LYNX1: variants seen among roughly 807,000 people sequenced by gnomAD.
LYNX1 encodes the protein ly-6/neurotoxin-like protein 1.
LYNX1 carries 8 observed loss-of-function variants against 8.3 expected under a neutral mutation model. That is an observed-to-expected ratio of 0.97 (90% CI 0.57 to 1.74). The LOEUF (loss-of-function observed/expected upper bound fraction) is 1.74. LYNX1 is among the 40% of genes most tolerant of loss of function. The pLI is 0.00. For missense variants in LYNX1, 158 were observed against 159.7 expected (o/e 0.99, Z 0.06); for synonymous variants, 73 against 67.9 (o/e 1.08, Z -0.37).
rs1057174230 is a variant in LYNX1, at chr8:142,773,307, C to T, written c.*1860G>A. ...GCACCTGGCAGCCTCCCAGACACCC[C>T]GGGCCGGTCCTGCTCTCCAGGCTTA... On this transcript the variant is annotated 3_prime_UTR_variant, in exon 4 of 4. Coordinates refer to ENST00000652477, the MANE Select transcript of LYNX1 (RefSeq NM_177477.4). 2.6e-5 allele frequency: 26 copies of T among 985,392 alleles called. No individual in the cohort carries two copies. Among genetic ancestry groups the T allele is most frequent in the South Asian group, 4.7e-5 (1 of 21,284 alleles). 61.0% of individuals were successfully genotyped at this position (985,392 alleles called of 1,614,324 possible).
chr8:142,775,835 T>G, intron 2 of LYNX1, 71 bp downstream of exon 2: 1 of 1,597,316 alleles, frequency 6.3e-7, no homozygotes, highest in African/African-American at 1.3e-5. Context: ...AATTCTAGCC[T>G]CCTTCCCTAC....
Position 142,771,652 on chromosome 8 carries a change from A to G in LYNX1, c.*3515T>C. Reference sequence around the variant, plus strand: ...AGCAGACCACCCAGAGTAGTGGGAGAAAGCACCGGCAGAAAAGCTGGCATA... The same window carrying G: ...AGCAGACCACCCAGAGTAGTGGGAGGAAGCACCGGCAGAAAAGCTGGCATA... On this transcript the variant is annotated 3_prime_UTR_variant, in exon 4 of 4. Coordinates refer to ENST00000652477, the MANE Select transcript of LYNX1 (RefSeq NM_177477.4). 1.0e-6 allele frequency: 1 copy of G among 985,612 alleles called. No individual in the cohort carries two copies. The highest frequency in any genetic ancestry group is 1.2e-6 in the Non-Finnish European group (1 of 829,878). The allele number at this position is 985,612 out of a possible 1,614,324, so 61.1% of individuals were successfully genotyped here.
Position 142,773,580 on chromosome 8 carries a change from G to C in LYNX1, c.*1587C>G, listed in dbSNP as rs1043076942. On this transcript the variant is annotated 3_prime_UTR_variant, in exon 4 of 4. Transcript: ENST00000652477. ...CCCCCTCCCATCCTCATGTTCTCAG[G>C]AGACTGAAGCTGGGCACTCAGAACC... 1 of 985,504 alleles carries C rather than the reference G, an allele frequency of 1.0e-6. No individual in the cohort carries two copies. Among genetic ancestry groups the C allele is most frequent in the Non-Finnish European group, 1.2e-6 (1 of 830,106 alleles). The allele number at this position is 985,504 out of a possible 1,614,324, so 61.0% of individuals were successfully genotyped here. A position where few individuals can be genotyped will look rare whatever the true frequency, so the allele number is the denominator to read the frequency against.
intron 1 of LYNX1, chr8:142,776,709 G>T (rs1006898097): frequency 6.6e-6 from 1 of 152,330 alleles, no homozygotes; most frequent in Admixed American, 6.5e-5. Context: ...CAGCTTGGGG[G>T]GAATGCATTT....
chr8:142,774,763 G>A lies in LYNX1; in HGVS notation c.*404C>T. 2 of 1,053,410 alleles carry A rather than the reference G, an allele frequency of 1.9e-6. No individual in the cohort carries two copies. Among genetic ancestry groups the A allele is most frequent in the Non-Finnish European group, 2.3e-6 (2 of 872,924 alleles). The allele number at this position is 1,053,410 out of a possible 1,614,324, so 65.3% of individuals were successfully genotyped here. A position where few individuals can be genotyped will look rare whatever the true frequency, so the allele number is the denominator to read the frequency against. On this transcript the variant is annotated 3_prime_UTR_variant, in exon 4 of 4. Transcript: ENST00000652477. ...AGTCTCCCCACCACCCCACCTGCGGGCATTCCTTGTCTTCCCCCTGCCCCA... is the reference window on the plus strand; with the variant it reads ...AGTCTCCCCACCACCCCACCTGCGGACATTCCTTGTCTTCCCCCTGCCCCA...
Position 142,774,550 on chromosome 8 carries a change from G to T in LYNX1, c.*617C>A, listed in dbSNP as rs1363997365. On this transcript the variant is annotated 3_prime_UTR_variant, in exon 4 of 4. Transcript: ENST00000652477. ...AAGCTTCTGTGACTTCGGGGGCCCT[G>T]GGGCCTGCTGAGGCAGAGCCGCCCC... 105 of 985,608 alleles carry T rather than the reference G, an allele frequency of 1.1e-4. No individual in the cohort carries two copies. The highest frequency in any genetic ancestry group is 1.2e-4 in the Non-Finnish European group (103 of 830,174). The allele number at this position is 985,608 out of a possible 1,614,324, so 61.1% of individuals were successfully genotyped here.
At position 142,772,338 on chromosome 8, in the gene LYNX1, C is replaced by T. The variant is rs1354923803; in HGVS notation, c.*2829G>A. The T allele has an allele frequency of 4.1e-6, 4 of 985,554 alleles. No homozygotes were observed. The highest frequency in any genetic ancestry group is 2.3e-4 in the East Asian group (2 of 8,820). The allele number at this position is 985,554 out of a possible 1,614,324, so 61.1% of individuals were successfully genotyped here. On this transcript the variant is annotated 3_prime_UTR_variant, in exon 4 of 4. Transcript: ENST00000652477. Reference sequence around the variant, plus strand: ...TCCCCCTCTCCTCTGCCACTCTGCCCTGCACCCAGAGGCAGCGCTGGAGGC... The same window carrying T: ...TCCCCCTCTCCTCTGCCACTCTGCCTTGCACCCAGAGGCAGCGCTGGAGGC...
Position 142,774,897 on chromosome 8 carries a change from C to T in LYNX1, c.*270G>A, listed in dbSNP as rs1363273355. On this transcript the variant is annotated 3_prime_UTR_variant, in exon 4 of 4. Coordinates refer to ENST00000652477, the MANE Select transcript of LYNX1 (RefSeq NM_177477.4). ...GCTCCCTGCCTGACTGGGCCCCTCC[C>T]CATAAATAGCCCTGGACAGGCGAGG... 3.0e-6 allele frequency: 4 copies of T among 1,355,530 alleles called. No homozygotes were observed. In the Admixed American group the frequency reaches 9.6e-5, roughly 32 times the overall value. 84.0% of individuals were successfully genotyped at this position (1,355,530 alleles called of 1,614,324 possible).
Position 142,775,625 on chromosome 8 carries a change from G to A in LYNX1, c.122C>T (p.Ala41Val), listed in dbSNP as rs751683434. The change falls in exon 3 of 4, where the codon GCT becomes GTT. Residue 41 changes from alanine (A) to valine (V), a missense_variant. Coordinates refer to ENST00000652477, the MANE Select transcript of LYNX1 (RefSeq NM_177477.4). ...DNCFNPMRCP[A>V]MVAYCMTTRT... ...CGTGGTCATGCAGTAGGCAACCATA[G>A]CCGGGCAGCGCATGGGGTTGAAGCA... 2 of 1,601,226 alleles carry A rather than the reference G, an allele frequency of 1.2e-6. No homozygotes were observed. Among genetic ancestry groups the A allele is most frequent in the South Asian group, 1.1e-5 (1 of 88,628 alleles).
At chr8:142,776,206 G>C (rs1282385990) in intron 1 of LYNX1, 85 bp from the exon 2 acceptor site, 1 of 554,288 alleles carries the variant, frequency 1.8e-6, no homozygotes. Flanking sequence ...GGTGGGCAGA[G>C]GGGCCACCTA....
chr8:142,774,583 GCAGGGGGTGGCTCCAA>G lies in LYNX1; in HGVS notation c.*568_*583del, dbSNP rs1815323127. 1.0e-6 allele frequency: 1 copy of G among 985,762 alleles called. No homozygotes were observed. The highest frequency in any genetic ancestry group is 1.2e-6 in the Non-Finnish European group (1 of 830,296). 61.1% of individuals were successfully genotyped at this position (985,762 alleles called of 1,614,324 possible). The stretch of plus-strand genomic sequence containing the variant: ...CTGAGGCAGAGCCGCCCCCTCCCCT[GCAGGGGGTGGCTCCAA>G]CTCGGGCCTGGCAGACTTCCTAGCA... On this transcript the variant is annotated 3_prime_UTR_variant, in exon 4 of 4. Coordinates refer to ENST00000652477, the MANE Select transcript of LYNX1 (RefSeq NM_177477.4).
At chr8:142,776,338 T>G in intron 1 of LYNX1, 1 of 299,052 alleles carries the variant, frequency 3.3e-6, no homozygotes, top group South Asian at 3.5e-5. Flanking sequence ...AAACAGCCTG[T>G]AGCGCTGGAT....
At position 142,772,736 on chromosome 8, in the gene LYNX1, G is replaced by A; in HGVS notation, c.*2431C>T. ...GATTTCTGCCGGCGCTGCTGTGCCG[G>A]TTCCCTGGTGCTGCACAGCCACGCA... On this transcript the variant is annotated 3_prime_UTR_variant, in exon 4 of 4. Coordinates refer to ENST00000652477, the MANE Select transcript of LYNX1 (RefSeq NM_177477.4). 1.0e-6 allele frequency: 1 copy of A among 985,548 alleles called. No homozygotes were observed. The highest frequency in any genetic ancestry group is 4.7e-5 in the South Asian group (1 of 21,290). The allele number at this position is 985,548 out of a possible 1,614,324, so 61.1% of individuals were successfully genotyped here.
chr8:142,774,888 G>T lies in LYNX1; in HGVS notation c.*279C>A. 1 of 1,345,300 alleles carries T rather than the reference G, an allele frequency of 7.4e-7. No individual in the cohort carries two copies. The highest frequency in any genetic ancestry group is 9.5e-7 in the Non-Finnish European group (1 of 1,048,020). 83.3% of individuals were successfully genotyped at this position (1,345,300 alleles called of 1,614,324 possible). A position where few individuals can be genotyped will look rare whatever the true frequency, so the allele number is the denominator to read the frequency against. The stretch of plus-strand genomic sequence containing the variant: ...CTGCTCAGTGCTCCCTGCCTGACTG[G>T]GCCCCTCCCCATAAATAGCCCTGGA... On this transcript the variant is annotated 3_prime_UTR_variant, in exon 4 of 4. Coordinates refer to ENST00000652477, the MANE Select transcript of LYNX1 (RefSeq NM_177477.4).
In LYNX1 at chr8:142,774,911, G is replaced by T; in HGVS notation, c.*256C>A. The T allele has an allele frequency of 1.4e-6, 2 of 1,391,032 alleles. No homozygotes were observed. The highest frequency in any genetic ancestry group is 1.7e-5 in the South Asian group (1 of 59,022). The allele number at this position is 1,391,032 out of a possible 1,614,324, so 86.2% of individuals were successfully genotyped here. ...TGGGCCCCTCCCCATAAATAGCCCT[G>T]GACAGGCGAGGGGCTGATCAGCCCA... On this transcript the variant is annotated 3_prime_UTR_variant, in exon 4 of 4. Transcript: ENST00000652477.
Position 142,774,727 on chromosome 8 carries a change from T to A in LYNX1, c.*440A>T. The A allele has an allele frequency of 2.0e-6, 2 of 1,011,622 alleles. No homozygotes were observed. The highest frequency in any genetic ancestry group is 5.3e-5 in the Admixed American group (1 of 18,794). The allele number at this position is 1,011,622 out of a possible 1,614,324, so 62.7% of individuals were successfully genotyped here. A position where few individuals can be genotyped will look rare whatever the true frequency, so the allele number is the denominator to read the frequency against. ...AGCGTGACTAGGCCTGGAGGAGCCT[T>A]TCCTCCTAAGAGTCTCCCCACCACC... is the stretch of plus-strand genomic sequence containing the variant. On this transcript the variant is annotated 3_prime_UTR_variant, in exon 4 of 4. Coordinates refer to ENST00000652477, the MANE Select transcript of LYNX1 (RefSeq NM_177477.4).
In LYNX1 at chr8:142,775,318, C is replaced by T. The variant is rs199529658; in HGVS notation, c.200G>A (p.Arg67His). ...GCCATCATACACAGTCTCGAAGCAG[C>T]GGGGCACGCAGGACTTACTGACCTT... Reference protein sequence around the residue: ...RMKVSKSCVPRCFETVYDGYS... With the variant: ...RMKVSKSCVPHCFETVYDGYS... The change falls in exon 4 of 4, where the codon CGC becomes CAC. Residue 67 changes from arginine (R) to histidine (H), a missense_variant. By Grantham distance (29) the Arg-to-His change is conservative. Transcript: ENST00000652477. 1.8e-4 allele frequency: 291 copies of T among 1,613,828 alleles called. No individual in the cohort carries two copies. The highest frequency in any genetic ancestry group is 4.2e-4 in the Admixed American group (25 of 60,022).
chr8:142,776,600 A>C (rs1815435639), intron 1 of LYNX1: 1 of 155,498 alleles, frequency 6.4e-6, no homozygotes, highest in South Asian at 2.0e-4. Context: ...GGGTGTCCCT[A>C]CTTGGGGTTC....
rs1815217569 is a variant in LYNX1 at position 142,772,321 on chromosome 8, T to C, written c.*2846A>G. 1.0e-6 allele frequency: 1 copy of C among 985,532 alleles called. No homozygotes were observed. The highest frequency in any genetic ancestry group is 1.7e-5 in the African/African-American group (1 of 57,224). 61.0% of individuals were successfully genotyped at this position (985,532 alleles called of 1,614,324 possible). ...ATGGTGCCCAGTGCCTCTCCCCCTCTCCTCTGCCACTCTGCCCTGCACCCA... is the reference window on the plus strand; with the variant it reads ...ATGGTGCCCAGTGCCTCTCCCCCTCCCCTCTGCCACTCTGCCCTGCACCCA... On this transcript the variant is annotated 3_prime_UTR_variant, in exon 4 of 4. Transcript: ENST00000652477.
Sources: gnomAD v4.1 joint callset for allele counts on GRCh38, gnomAD v4.1.1 for gene constraint, MANE v1.5 for transcripts, NCBI Gene and HGNC (gene_info 2026-07-23, HGNC 2026-07-21) for gene names.